Variants in CPNE8 observed in about 807,000 individuals in gnomAD.
The protein encoded by CPNE8 is copine-8.
CPNE8 carries 45 observed loss-of-function variants against 81.5 expected under a neutral mutation model. That is an observed-to-expected ratio of 0.55 (90% CI 0.44 to 0.71). The LOEUF (loss-of-function observed/expected upper bound fraction) is 0.71, where lower values mean the gene tolerates loss of function less well. CPNE8 is among the 30% of genes least tolerant of loss of function. The pLI, the probability that CPNE8 is intolerant of heterozygous loss-of-function variation, is 0.00. For synonymous variants in CPNE8, 252 were observed against 226.3 expected, an observed-to-expected ratio of 1.11 and a Z score of -1.02; for missense variants, 594 against 672.1, an observed-to-expected ratio of 0.88 and a Z score of 1.28.
chr12:38,884,647 C>A (rs1944212895), intron 1 of CPNE8, among the ~76,000 whole-genome samples: 2 of 152,260 alleles, frequency 1.3e-5, no homozygotes, highest in South Asian at 2.1e-4. Flanking sequence ...TACATTCCTA[C>A]CAGCAATATA....
intron 10 of CPNE8, 56 bp downstream of exon 10, chr12:38,760,791 T>G: frequency 7.6e-7 from 1 of 1,313,056 alleles, no homozygotes; most frequent in Non-Finnish European, 1.1e-6. Context: ...CATTTCAATG[T>G]ATGTGCCTCT....
chr12:38,677,595 C>T (rs772125610), intron 16 of CPNE8, 41 bp from the exon 17 acceptor site: 1 of 1,119,762 alleles, frequency 8.9e-7, no homozygotes, highest in Non-Finnish European at 1.4e-6. Context: ...AAACAGTTTT[C>T]TATATGTGAT....
chr12:38,849,446 T>C (rs904514950), intron 3 of CPNE8, among the ~76,000 whole-genome samples: 5 of 152,202 alleles, frequency 3.3e-5, no homozygotes, highest in African/African-American at 1.2e-4. Context: ...AATGAGAGAA[T>C]TTTAACTTCA....
chr12:38,682,925 T>C, intron 16 of CPNE8, among the ~76,000 whole-genome samples: 1 of 152,098 alleles, frequency 6.6e-6, no homozygotes, highest in East Asian at 1.9e-4. Flanking sequence ...CATCAACAGA[T>C]GTTGAGTAGG....
At chr12:38,690,453 C>T (rs1262612715) in intron 15 of CPNE8, among the ~76,000 whole-genome samples, 6 of 152,096 alleles carry the variant, frequency 3.9e-5, no homozygotes, top group Admixed American at 1.3e-4. Flanking sequence ...AAAGTTGAGG[C>T]ATTATCATCA....
intron 10 of CPNE8, among the ~76,000 whole-genome samples, chr12:38,759,450 G>T (rs1941530180): frequency 6.6e-6 from 1 of 152,088 alleles, no homozygotes; most frequent in Non-Finnish European, 1.5e-5. Context: ...TGGAAAAATA[G>T]AAAGTTTTCT....
intron 14 of CPNE8, among the ~76,000 whole-genome samples, chr12:38,695,356 GA>G (rs1416783562): frequency 6.6e-6 from 1 of 152,174 alleles, no homozygotes; most frequent in African/African-American, 2.4e-5. Flanking sequence ...TTAGCAAACA[GA>G]GATGGCCTAA....
At chr12:38,710,309 T>C (rs1592027952) in intron 13 of CPNE8, among the ~76,000 whole-genome samples, 1 of 118,420 alleles carries the variant, frequency 8.4e-6, no homozygotes, top group Admixed American at 8.7e-5. Flanking sequence ...ACCGAAACTG[T>C]AAGCACTATC....
chr12:38,681,723 C>CA (rs1394001389), intron 16 of CPNE8, among the ~76,000 whole-genome samples: 1 of 152,170 alleles, frequency 6.6e-6, no homozygotes, highest in African/African-American at 2.4e-5. Context: ...TCCAATCTAC[C>CA]AACCTGTCCT....
intron 6 of CPNE8, among the ~76,000 whole-genome samples, chr12:38,795,867 G>GGATAGATAGATAGATAGATA (rs11377515): frequency 0.061 from 9,077 of 148,136 alleles, 339 homozygotes; most frequent in Non-Finnish European, 0.076. Context: ...ATGGATGGAT[G>GGATAGATAGATAGATAGATA]GATAGATAGA....
chr12:38,699,642 G>A (rs550800934), intron 14 of CPNE8, among the ~76,000 whole-genome samples: 3 of 150,788 alleles, frequency 2.0e-5, no homozygotes, highest in Non-Finnish European at 2.9e-5. Context: ...TTCTGTGGCC[G>A]AACCACGGTC....
intron 15 of CPNE8, 84 bp downstream of exon 15, chr12:38,693,573 T>C (rs1434588410): frequency 8.3e-7 from 1 of 1,212,092 alleles, no homozygotes; most frequent in Non-Finnish European, 1.2e-6. Flanking sequence ...GCTACTTGAC[T>C]GACTAAAGAA....
intron 1 of CPNE8, among the ~76,000 whole-genome samples, chr12:38,900,694 TG>T (rs1944448345): frequency 6.6e-6 from 1 of 152,098 alleles, no homozygotes; most frequent in Non-Finnish European, 1.5e-5. Flanking sequence ...GCTCACACTT[TG>T]GGACTGTACC....
chr12:38,793,981 T>C (rs566252386), intron 6 of CPNE8, among the ~76,000 whole-genome samples: 6 of 152,250 alleles, frequency 3.9e-5, no homozygotes, highest in Non-Finnish European at 2.9e-5. Context: ...GAATAGTTTC[T>C]TTAATAAAAG....
intron 6 of CPNE8, among the ~76,000 whole-genome samples, chr12:38,779,900 G>C (rs1478494165): frequency 6.6e-6 from 1 of 151,992 alleles, no homozygotes; most frequent in African/African-American, 2.4e-5. Context: ...TGGACATATG[G>C]ATAACTAGCA....
At chr12:38,719,186 G>A (rs1403829244) in intron 13 of CPNE8, among the ~76,000 whole-genome samples, 19 of 152,204 alleles carry the variant, frequency 1.2e-4, no homozygotes, top group Admixed American at 1.2e-3. Flanking sequence ...TCCAATTCAT[G>A]TGAACTACAG....
intron 3 of CPNE8, among the ~76,000 whole-genome samples, chr12:38,866,001 AC>A (rs1943907652): frequency 6.6e-6 from 1 of 152,226 alleles, no homozygotes; most frequent in Non-Finnish European, 1.5e-5. Context: ...CCTTTTCTGA[AC>A]AGAAAGATTC....
chr12:38,806,876 C>T (rs1472382106), intron 6 of CPNE8, among the ~76,000 whole-genome samples: 1 of 151,050 alleles, frequency 6.6e-6, no homozygotes, highest in African/African-American at 2.4e-5. Context: ...CCCAAAATCT[C>T]CTTAAGCTGA....
chr12:38,874,293 G>T (rs1944035676), intron 2 of CPNE8, among the ~76,000 whole-genome samples, 178 bp downstream of exon 2: 1 of 152,052 alleles, frequency 6.6e-6, no homozygotes, highest in Admixed American at 6.6e-5. Flanking sequence ...TTCTCAAAGT[G>T]CTCAGCAAGT....
Sources: allele counts gnomAD v4.1 joint callset (sites outside exome capture counted in the v4.1 genomes callset), GRCh38; gene constraint gnomAD v4.1.1; transcripts MANE v1.5; gene names NCBI Gene and HGNC (gene_info 2026-07-23, HGNC 2026-07-21).